Variants in NBEAL2 observed in about 807,000 individuals in gnomAD.
The protein encoded by NBEAL2 is neurobeachin like 2.
NBEAL2 carries 160 observed loss-of-function variants against 299.8 expected under a neutral mutation model. That is an observed-to-expected ratio of 0.53 (90% confidence interval 0.47 to 0.61). The LOEUF is 0.61. Ranked by LOEUF, NBEAL2 falls within the 20% of genes least tolerant of loss-of-function variation. The pLI, the probability that NBEAL2 is intolerant of heterozygous loss-of-function variation, is 0.00. For missense variants in NBEAL2, 3,112 were observed against 3,649.0 expected, an observed-to-expected ratio of 0.85 and a Z score of 3.79; for synonymous variants, 1,493 against 1,542.3, an observed-to-expected ratio of 0.97 and a Z score of 0.75.
Position 47,007,624 on chromosome 3 carries a change from C to T in NBEAL2, c.7434C>T (p.Gly2478=). Reference sequence around the variant, plus strand: ...ATGGAAAGCTGCTATTCAGCGGTGGCCACTGGGATGGCAGCCTGCGGGTGA... The same window carrying T: ...ATGGAAAGCTGCTATTCAGCGGTGGTCACTGGGATGGCAGCCTGCGGGTGA... ...APDGKLLFSG[G]HWDGSLRVTA... is the part of the protein sequence containing the mutation. The change falls in exon 48 of 54, where the codon GGC becomes GGT. Residue 2478 remains glycine (G), a synonymous_variant. Coordinates refer to ENST00000450053, the MANE Select transcript of NBEAL2 (RefSeq NM_015175.3). 4 of 1,611,380 alleles carry T rather than the reference C, an allele frequency of 2.5e-6. No homozygotes were observed. The highest frequency in any genetic ancestry group is 8.5e-7 in the Non-Finnish European group (1 of 1,179,190).
In NBEAL2 at chr3:47,007,364, CT is replaced by C. The variant is rs1559622273; in HGVS notation, c.7334+15del. ...GGGCAGCCACAAGTAGGACAGAGGG[CT>C]GTGGGTGGGGTGGGCTACAAATGCC... On this transcript the variant is annotated intron_variant, in intron 47 of 53. Coordinates refer to ENST00000450053, the MANE Select transcript of NBEAL2 (RefSeq NM_015175.3). The C allele has an allele frequency of 6.3e-7, 1 of 1,591,396 alleles. No individual in the cohort carries two copies. The highest frequency in any genetic ancestry group is 8.6e-7 in the Non-Finnish European group (1 of 1,168,446).
chr3:46,997,930 GC>G, intron 20 of NBEAL2, 136 bp from the exon 21 acceptor site: 1 of 1,252,874 alleles, frequency 8.0e-7, no homozygotes, highest in Non-Finnish European at 1.1e-6. Context: ...GCGGCAGGAA[GC>G]CCCCAAAGGG....
In NBEAL2 at chr3:46,998,854, TGGC is replaced by T; in HGVS notation, c.3363_3365del (p.Ala1122del). The T allele has an allele frequency of 6.3e-7, 1 of 1,586,800 alleles. No individual in the cohort carries two copies. Among genetic ancestry groups the T allele is most frequent in the South Asian group, 1.2e-5 (1 of 86,884 alleles). On this transcript the variant is annotated inframe_deletion, in exon 23 of 54. Transcript: ENST00000450053. ...GTCACGCAGACCATGCTGAGCTTTT[TGGC>T]GGCCACAGGCGATGACGGTCAGGTA...
In NBEAL2 at chr3:47,009,570, GCA is replaced by G. The variant is rs1307511426; in HGVS notation, c.*253_*254del. The G allele has an allele frequency of 1.8e-6, 1 of 547,088 alleles. No individual in the cohort carries two copies. The highest frequency in any genetic ancestry group is 3.2e-6 in the Non-Finnish European group (1 of 309,352). The allele number at this position is 547,088 out of a possible 1,614,324, so 33.9% of individuals were successfully genotyped here. Reference sequence around the variant, plus strand: ...GTCTGCGGCCGCAGCAGCACTTTTTGCACAGTCTGGGGCGGGGTTCCCCGGCT... The same window carrying G: ...GTCTGCGGCCGCAGCAGCACTTTTTGCAGTCTGGGGCGGGGTTCCCCGGCT... On this transcript the variant is annotated 3_prime_UTR_variant, in exon 54 of 54. Coordinates refer to ENST00000450053, the MANE Select transcript of NBEAL2 (RefSeq NM_015175.3).
chr3:46,984,351 G>A (rs1408052518), intron 1 of NBEAL2, among the ~76,000 whole-genome samples: 1 of 152,106 alleles, frequency 6.6e-6, no homozygotes, highest in Non-Finnish European at 1.5e-5. Flanking sequence ...GGATGGTCAG[G>A]CCCTGGGGCA....
In NBEAL2 at chr3:46,979,804, G is replaced by A. The variant is rs2035175164; in HGVS notation, c.-58G>A. 2.5e-6 allele frequency: 1 copy of A among 393,820 alleles called. No individual in the cohort carries two copies. The highest frequency in any genetic ancestry group is 4.5e-6 in the Non-Finnish European group (1 of 224,424). 24.4% of individuals were successfully genotyped at this position (393,820 alleles called of 1,614,324 possible). A position where few individuals can be genotyped will look rare whatever the true frequency, so the allele number is the denominator to read the frequency against. ...GGGCCTGGCCGAGGGCAACCGGCGG[G>A]CGGCGCGGAGGAGGCGGCGACAGGT... is the stretch of plus-strand genomic sequence containing the variant. On this transcript the variant is annotated 5_prime_UTR_variant, in exon 1 of 54. Coordinates refer to ENST00000450053, the MANE Select transcript of NBEAL2 (RefSeq NM_015175.3).
Position 46,998,534 on chromosome 3 carries a change from T to C in NBEAL2, c.3190T>C (p.Phe1064Leu), listed in dbSNP as rs1242925343. ...QKLRKKYGVQFILDALRTHYS... is the reference protein window; with the variant it reads ...QKLRKKYGVQLILDALRTHYS... ...GCTGCGGAAGAAGTACGGCGTCCAG[T>C]TTATCTTGGATGCTCTGCGCACCCA... The change falls in exon 22 of 54, where the codon TTT becomes CTT. Residue 1064 changes from phenylalanine to leucine, a missense_variant. Around this residue, in one of 3 missense-constraint regions of NBEAL2, gnomAD observed 2,243 missense variants for 2,538.1 expected, o/e 0.88. Transcript: ENST00000450053. 6 of 1,612,556 alleles carry C rather than the reference T, an allele frequency of 3.7e-6. No homozygotes were observed. Among genetic ancestry groups the C allele is most frequent in the African/African-American group, 1.3e-5 (1 of 74,910 alleles).
rs973435954 is a variant in NBEAL2, at chr3:46,998,735, C to T, written c.3240C>T (p.Pro1080=). 6.1e-5 allele frequency: 97 copies of T among 1,577,542 alleles called. No homozygotes were observed. The highest frequency in any genetic ancestry group is 7.9e-5 in the Non-Finnish European group (92 of 1,159,732). The change falls in exon 23 of 54, where the codon CCC becomes CCT. Residue 1080 remains proline, a synonymous_variant. Coordinates refer to ENST00000450053, the MANE Select transcript of NBEAL2 (RefSeq NM_015175.3). The stretch of plus-strand genomic sequence containing the variant: ...CTGCCAGCCCGCAGCGGGAGCGCCC[C>T]CTGGCTGCTGACGACCTACGCACCG... ...RTHYSPQRER[P]LAADDLRTVQ... is the part of the protein sequence containing the mutation.
chr3:47,001,600 G>T lies in NBEAL2; in HGVS notation c.4645-89G>T. The T allele has an allele frequency of 6.3e-7, 1 of 1,580,832 alleles. No homozygotes were observed. Among genetic ancestry groups the T allele is most frequent in the Non-Finnish European group, 8.6e-7 (1 of 1,161,916 alleles). ...TGCCTGTGTGCACAAACCCTACCTG[G>T]CCCCCAGCGCAAACTTTACTTTGCT... is the stretch of plus-strand genomic sequence containing the variant. On this transcript the variant is annotated intron_variant, in intron 29 of 53. Coordinates refer to ENST00000450053, the MANE Select transcript of NBEAL2 (RefSeq NM_015175.3). This position sits in a 1 kb window ranked among gnomAD's most constrained non-coding sequence, Gnocchi z 6.1.
Position 46,998,471 on chromosome 3 carries a change from C to A in NBEAL2, c.3127C>A (p.Gln1043Lys), listed in dbSNP as rs576251172. The A allele has an allele frequency of 1.1e-5, 17 of 1,612,744 alleles. No individual in the cohort carries two copies. In the East Asian group the frequency reaches 3.3e-4, roughly 32 times the overall value. ...TGCTCATTCCCGCTCAGGTCACATC[C>A]AGTACATGTCCAGCATAGTTCGGGA... ...SDFAVRLGHI[Q>K]YMSSIVREHR... Residue 1043 changes from glutamine to lysine, a missense_variant, in exon 22 of 54, where the codon CAG (glutamine) becomes AAG (lysine). By Grantham distance (53) the Gln-to-Lys change is moderately conservative (BLOSUM62 1). This residue lies in a region of NBEAL2 where 2,243 missense variants were observed against 2,538.1 expected (regional missense o/e 0.88). Coordinates refer to ENST00000450053, the MANE Select transcript of NBEAL2 (RefSeq NM_015175.3).
Position 46,996,962 on chromosome 3 carries a change from GAAC to G in NBEAL2, c.2570_2572del (p.Asn857del). The stretch of plus-strand genomic sequence containing the variant: ...CATTCCCCTATCCCTAGGCTTGTAA[GAAC>G]AACATCTGCCTGGACCTGTCCCCCA... On this transcript the variant is annotated inframe_deletion, in exon 18 of 54. Transcript: ENST00000450053. The G allele has an allele frequency of 6.2e-7, 1 of 1,613,276 alleles. No homozygotes were observed. Among genetic ancestry groups the G allele is most frequent in the East Asian group, 2.2e-5 (1 of 44,890 alleles).
Position 47,005,815 on chromosome 3 carries a change from G to A in NBEAL2, c.6769G>A (p.Glu2257Lys). Residue 2257 changes from glutamate (E) to lysine (K), a missense_variant, in exon 42 of 54, where the codon GAG (glutamate) becomes AAG (lysine). Physicochemically the swap from Glu to Lys is moderately conservative, Grantham distance 56. Around this residue, in one of 3 missense-constraint regions of NBEAL2, gnomAD observed 521 missense variants for 729.6 expected, o/e 0.71. Transcript: ENST00000450053. ...VVLPPWASSP[E>K]DFIQQHRQAL... ...GCTACCCCCGTGGGCCAGCTCTCCT[G>A]AGGACTTCATCCAGCAGCACCGCCA... 1 of 1,613,382 alleles carries A rather than the reference G, an allele frequency of 6.2e-7. No individual in the cohort carries two copies. The highest frequency in any genetic ancestry group is 2.2e-5 in the East Asian group (1 of 44,872).
chr3:46,989,580 C>T lies in NBEAL2; in HGVS notation c.543C>T (p.Ser181=), dbSNP rs758499927. 56 of 1,592,076 alleles carry T rather than the reference C, an allele frequency of 3.5e-5. No individual in the cohort carries two copies. Among genetic ancestry groups the T allele is most frequent in the Non-Finnish European group, 4.7e-5 (55 of 1,169,160 alleles). The part of the protein sequence containing the change: ...FPPAALPQEF[S]AFFQESLQNA... ...CTGCTGCTTTGCCCCAGGAATTCAG[C>T]GCCTTCTTCCAAGGTCAGGCCCCGC... The change falls in exon 6 of 54, where the codon AGC becomes AGT. Residue 181 remains serine (S), a synonymous_variant. Coordinates refer to ENST00000450053, the MANE Select transcript of NBEAL2 (RefSeq NM_015175.3). The surrounding 1 kb of genome is among the most constrained non-coding windows in gnomAD (Gnocchi z 5.5).
chr3:46,995,659 C>A (rs1462813757), intron 13 of NBEAL2, 26 bp downstream of exon 13: 6 of 1,608,966 alleles, frequency 3.7e-6, no homozygotes, highest in Non-Finnish European at 5.1e-6. Flanking sequence ...GGGCCAGGGA[C>A]CTCCTGCCAG....
chr3:46,990,539 C>T (rs1334096898), intron 6 of NBEAL2, among the ~76,000 whole-genome samples: 1 of 152,198 alleles, frequency 6.6e-6, no homozygotes, highest in Non-Finnish European at 1.5e-5. Context: ...CAGGTCTCCC[C>T]TCAAAAGCCC....
At chr3:46,987,992 A>G in intron 1 of NBEAL2, 1 of 1,275,916 alleles carries the variant, frequency 7.8e-7, no homozygotes, top group Non-Finnish European at 1.0e-6. Flanking sequence ...TCCCGTTCAC[A>G]CCAAAGTTTT....
At chr3:46,984,764 T>A (rs2035579288) in intron 1 of NBEAL2, among the ~76,000 whole-genome samples, 1 of 152,110 alleles carries the variant, frequency 6.6e-6, no homozygotes, top group Non-Finnish European at 1.5e-5. Flanking sequence ...TCTCCCTTCC[T>A]GCTCCTAGCT....
Position 47,002,480 on chromosome 3 carries a change from G to A in NBEAL2, c.5261G>A (p.Arg1754Gln), listed in dbSNP as rs746431370. Residue 1754 changes from arginine to glutamine, a missense_variant, in exon 32 of 54, where the codon CGG becomes CAG. By Grantham distance (43) the Arg-to-Gln change is conservative (BLOSUM62 1). Around this residue, in one of 3 missense-constraint regions of NBEAL2, gnomAD observed 2,243 missense variants for 2,538.1 expected, o/e 0.88. Transcript: ENST00000450053. ...CYDMLMSSGQ[R>Q]RQWERAQSRR... ...GACATGCTTATGAGCAGTGGGCAGC[G>A]GCGCCAGTGGGAGCGCGCCCAGAGT... 20 of 1,612,916 alleles carry A rather than the reference G, an allele frequency of 1.2e-5. No individual in the cohort carries two copies. The highest frequency in any genetic ancestry group is 1.6e-4 in the Middle Eastern group (1 of 6,084).
In NBEAL2 at chr3:46,979,840, A is replaced by AGGGCCGGAGCC; in HGVS notation, c.-14_-4dup. The AGGGCCGGAGCC allele has an allele frequency of 2.3e-6, 1 of 430,158 alleles. No homozygotes were observed. The highest frequency in any genetic ancestry group is 4.1e-6 in the Non-Finnish European group (1 of 244,862). 26.6% of individuals were successfully genotyped at this position (430,158 alleles called of 1,614,324 possible). ...GAGGCGGCGACAGGTGGCGCGCAGC[A>AGGGCCGGAGCC]GGGCCGGAGCCGGGCCGGGCCATGG... On this transcript the variant is annotated 5_prime_UTR_variant, in exon 1 of 54. Transcript: ENST00000450053.
Sources: gnomAD v4.1 joint callset for allele counts (sites outside exome capture counted in the v4.1 genomes callset) on GRCh38, gnomAD v4.1.1 for gene constraint, gnomAD v4.1.1 regional missense constraint, Gnocchi (gnomAD v3.1) non-coding constraint, MANE v1.5 for transcripts, NCBI Gene and HGNC (gene_info 2026-07-23, HGNC 2026-07-21) for gene names.